SLC22A25: variants seen among roughly 807,000 people sequenced by gnomAD.
The protein encoded by SLC22A25 is solute carrier family 22 member 25.
A neutral mutation model predicts 45.9 loss-of-function variants in SLC22A25; 44 were observed. The observed-to-expected ratio is 0.96, with a 90% CI of 0.75 to 1.23. SLC22A25 has a LOEUF of 1.23. Among genes scored for constraint, SLC22A25 ranks in the 50% most tolerant of loss-of-function variants. The pLI, the probability that SLC22A25 is intolerant of heterozygous loss-of-function variation, is 0.00. For synonymous variants in SLC22A25, 283 were observed against 238.6 expected, an observed-to-expected ratio of 1.19 and a Z score of -1.72; for missense variants, 800 against 666.4, an observed-to-expected ratio of 1.20 and a Z score of -2.21.
intron 7 of SLC22A25, among the ~76,000 whole-genome samples, chr11:63,205,673 AC>A (rs2134787500): frequency 6.6e-6 from 1 of 152,292 alleles, no homozygotes; most frequent in South Asian, 2.1e-4. Context: ...TAGCCTACCA[AC>A]CAACCAAAGG....
In SLC22A25 at chr11:63,180,722, A is replaced by G. The variant is rs1403674411; in HGVS notation, c.1008T>C (p.Ser336=). 1 of 1,613,294 alleles carries G rather than the reference A, an allele frequency of 6.2e-7. No homozygotes were observed. Among genetic ancestry groups the G allele is most frequent in the Non-Finnish European group, 8.5e-7 (1 of 1,179,540 alleles). ...TGGGTATGCGGAGCAATTCACAAAG[A>G]GAATGCTTTTTCTGTGCTGCCTCCA... ...QELEAAQKKH[S]LCELLRIPNI... Residue 336 remains serine (S), a synonymous_variant, in exon 9 of 12, where the codon TCT becomes TCC. Transcript: ENST00000306494.
At position 63,229,961 on chromosome 11, in the gene SLC22A25, G is replaced by A. The variant is rs2090038161; in HGVS notation, c.-309C>T. 6.6e-6 allele frequency among the ~76,000 whole-genome samples: 1 copy of A among 152,142 alleles called. No individual in the cohort carries two copies. Among genetic ancestry groups the A allele is most frequent in the Non-Finnish European group, 1.5e-5 (1 of 68,020 alleles). On this transcript the variant is annotated 5_prime_UTR_variant, in exon 4 of 12. Transcript: ENST00000306494. Reference sequence around the variant, plus strand: ...CATCTACTTATTGATGTCTTTAGTAGCTCCCCAATAGCAGCATTGAACTTT... The same window carrying A: ...CATCTACTTATTGATGTCTTTAGTAACTCCCCAATAGCAGCATTGAACTTT...
intron 7 of SLC22A25, among the ~76,000 whole-genome samples, chr11:63,188,885 G>A (rs1035952209): frequency 5.3e-5 from 8 of 152,234 alleles, no homozygotes; most frequent in African/African-American, 1.4e-4. Context: ...CTGAGTTCTA[G>A]TTTGATTGCA....
At chr11:63,205,668 T>TACCA (rs1378676095) in intron 7 of SLC22A25, among the ~76,000 whole-genome samples, 1 of 152,288 alleles carries the variant, frequency 6.6e-6, no homozygotes, top group East Asian at 1.9e-4. Context: ...ATTAATAGCC[T>TACCA]ACCAACCAAC....
chr11:63,226,049 G>A (rs1020398193), intron 5 of SLC22A25, among the ~76,000 whole-genome samples: 1 of 151,894 alleles, frequency 6.6e-6, no homozygotes, highest in African/African-American at 2.4e-5. Flanking sequence ...CCTTCTCTGT[G>A]TTATCTTGAA....
In SLC22A25 at chr11:63,166,083, G is replaced by A. The variant is rs140999524; in HGVS notation, c.1246C>T (p.Leu416=). 1,977 of 1,614,018 alleles carry A rather than the reference G, an allele frequency of 1.2e-3. 21 individuals carry two copies. In the South Asian group the frequency reaches 0.013, roughly 11 times the overall value. The change falls in exon 10 of 12, where the codon CTG becomes TTG. Residue 416 remains leucine (L), a synonymous_variant. Transcript: ENST00000306494. ...RLSQMLLMFL[L]ATCLLAIIFV... The stretch of plus-strand genomic sequence containing the variant: ...ATGATGGCCAGAAGGCAGGTTGCCA[G>A]TAGGAACATGAGAAGCATCTGGCTT...
intron 7 of SLC22A25, among the ~76,000 whole-genome samples, chr11:63,208,488 G>T (rs1345447209): frequency 3.3e-5 from 5 of 152,166 alleles, no homozygotes; most frequent in Admixed American, 3.3e-4. Context: ...GGGAGTGTGT[G>T]CGTGCATGTA....
At chr11:63,175,298 T>C (rs2088045845) in intron 9 of SLC22A25, among the ~76,000 whole-genome samples, 1 of 152,144 alleles carries the variant, frequency 6.6e-6, no homozygotes. Context: ...AATTTATTTA[T>C]GATAATGTCC....
At chr11:63,194,777 TAA>T (rs1288392863) in intron 7 of SLC22A25, among the ~76,000 whole-genome samples, 4 of 151,286 alleles carry the variant, frequency 2.6e-5, no homozygotes, top group Non-Finnish European at 5.9e-5. Flanking sequence ...GCAAATTGTA[TAA>T]AGAGTCAAGA....
intron 5 of SLC22A25, among the ~76,000 whole-genome samples, chr11:63,226,060 T>A (rs1315572904): frequency 6.6e-6 from 1 of 152,156 alleles, no homozygotes; most frequent in Non-Finnish European, 1.5e-5. Flanking sequence ...TTATCTTGAA[T>A]TTCTTCATTT....
intron 7 of SLC22A25, among the ~76,000 whole-genome samples, chr11:63,194,821 C>G (rs1041799859): frequency 2.1e-5 from 3 of 143,124 alleles, no homozygotes; most frequent in Non-Finnish European, 4.5e-5. Flanking sequence ...GGAGACCCAT[C>G]TCATGTGCAG....
At chr11:63,220,076 C>T in intron 5 of SLC22A25, 6 of 1,146,056 alleles carry the variant, frequency 5.2e-6, no homozygotes, top group Non-Finnish European at 7.0e-6. Flanking sequence ...CTTCTCATGT[C>T]ACAGACTGTG....
In SLC22A25 at chr11:63,217,682, C is replaced by A; in HGVS notation, c.560G>T (p.Gly187Val). 1.2e-6 allele frequency: 2 copies of A among 1,613,834 alleles called. No homozygotes were observed. The highest frequency in any genetic ancestry group is 1.7e-6 in the Non-Finnish European group (2 of 1,179,956). Residue 187 changes from glycine to valine, a missense_variant, in exon 6 of 12, where the codon GGC becomes GTC. Physicochemically the swap from Gly to Val is moderately radical, Grantham distance 109. Coordinates refer to ENST00000306494, the MANE Select transcript of SLC22A25 (RefSeq NM_199352.6). Reference protein sequence around the residue: ...RWSYLQLAIVGTCAAFAPTIL... With the variant: ...RWSYLQLAIVVTCAAFAPTIL... ...GGTGGGAGCAAAGGCCGCACAGGTG[C>A]CTACAATGGCGAGCTGGAGGTAAGA...
At chr11:63,233,433 A>G (rs1265749510) in intron 3 of SLC22A25, among the ~76,000 whole-genome samples, 3 of 152,146 alleles carry the variant, frequency 2.0e-5, no homozygotes, top group African/African-American at 7.2e-5. Flanking sequence ...AGAGGTGTTT[A>G]TAGTATTGTC....
chr11:63,196,104 ATAAT>A (rs757989288), intron 7 of SLC22A25, among the ~76,000 whole-genome samples: 1 of 152,226 alleles, frequency 6.6e-6, no homozygotes, highest in East Asian at 1.9e-4. Flanking sequence ...AATTGAGGTA[ATAAT>A]TAATAGCCCT....
At chr11:63,235,223 A>T (rs986965292) in intron 3 of SLC22A25, among the ~76,000 whole-genome samples, 1 of 152,214 alleles carries the variant, frequency 6.6e-6, no homozygotes, top group Middle Eastern at 3.4e-3. Context: ...CTCCTGGATA[A>T]TTTCCTGCAG....
intron 7 of SLC22A25, among the ~76,000 whole-genome samples, chr11:63,190,675 G>T (rs186772946): frequency 0.046 from 6,989 of 152,160 alleles, 177 homozygotes; most frequent in Non-Finnish European, 0.056. Flanking sequence ...CATCTCTGTG[G>T]TTTTATCTAC....
intron 5 of SLC22A25, among the ~76,000 whole-genome samples, chr11:63,224,171 C>T (rs1278060304): frequency 6.6e-6 from 1 of 151,984 alleles, no homozygotes; most frequent in African/African-American, 2.4e-5. Flanking sequence ...TTTTTATATC[C>T]TCTTGCTGAA....
At chr11:63,241,583 ATACACAAAG>A (rs1024361860) in intron 1 of SLC22A25, among the ~76,000 whole-genome samples, 13 of 152,148 alleles carry the variant, frequency 8.5e-5, no homozygotes, top group African/African-American at 3.1e-4. Flanking sequence ...TATCTTATTT[ATACACAAAG>A]TAGATAATCA....
Sources: allele counts gnomAD v4.1 joint callset (sites outside exome capture counted in the v4.1 genomes callset), GRCh38; gene constraint gnomAD v4.1.1; transcripts MANE v1.5; gene names NCBI Gene and HGNC (gene_info 2026-07-23, HGNC 2026-07-21).